Variants in CCDC85C observed in about 807,000 individuals in gnomAD.
CCDC85C encodes coiled-coil domain containing 85C.
A neutral mutation model predicts 38.3 loss-of-function variants in CCDC85C; 18 were observed. The ratio of observed to expected loss-of-function variants is 0.47; its 90% CI spans 0.33 to 0.70. The LOEUF (loss-of-function observed/expected upper bound fraction) is 0.70. Among genes scored for constraint, CCDC85C ranks in the 30% least tolerant of loss-of-function variants. The pLI, the probability that CCDC85C is intolerant of heterozygous loss-of-function variation, is 0.03. For synonymous variants in CCDC85C, 264 were observed against 293.8 expected (o/e 0.90, Z 1.04); for missense variants, 566 against 621.2 (o/e 0.91, Z 0.94).
rs866655287 is a variant in CCDC85C, at chr14:99,520,424, G to A, written c.975+1709C>T. On this transcript the variant is annotated intron_variant, in intron 3 of 5. Coordinates refer to ENST00000380243, the MANE Select transcript of CCDC85C (RefSeq NM_001144995.2). The surrounding 1 kb of genome is among the most constrained non-coding windows in gnomAD (Gnocchi z 4.1). ...AACCCCCACTCCTGGGGGCCTGCCC[G>A]CCGACCAGCCCCGATCACGGCCCCT... is the stretch of plus-strand genomic sequence containing the variant. Among the ~76,000 whole-genome samples, 7 of 149,156 alleles carry A rather than the reference G, an allele frequency of 4.7e-5. No individual in the cohort carries two copies. The highest frequency in any genetic ancestry group is 2.0e-4 in the East Asian group (1 of 4,928).
At chr14:99,515,859 G>T (rs1031520211) in intron 5 of CCDC85C, among the ~76,000 whole-genome samples, 1 of 152,010 alleles carries the variant, frequency 6.6e-6, no homozygotes, top group African/African-American at 2.4e-5. Flanking sequence ...AGGCCCGGGG[G>T]CCAGCACCCA....
At chr14:99,581,513 C>G (rs1250514893) in intron 1 of CCDC85C, among the ~76,000 whole-genome samples, 1 of 152,240 alleles carries the variant, frequency 6.6e-6, no homozygotes, top group African/African-American at 2.4e-5. Context: ...TGGGCAGAAA[C>G]CCAGTGACCG....
intron 1 of CCDC85C, among the ~76,000 whole-genome samples, chr14:99,598,098 C>T (rs2055162134): frequency 6.6e-6 from 1 of 152,190 alleles, no homozygotes; most frequent in Non-Finnish European, 1.5e-5. Context: ...TGCGGGGTGC[C>T]GAGCGCTGCA....
chr14:99,578,809 G>C (rs897114792), intron 1 of CCDC85C, among the ~76,000 whole-genome samples: 1 of 152,184 alleles, frequency 6.6e-6, no homozygotes, highest in Non-Finnish European at 1.5e-5. Context: ...ACCGGAGCTG[G>C]CTTCTCTAAG....
rs574688629 is a variant in CCDC85C at position 99,530,713 on chromosome 14, G to A, written c.867+5302C>T. Reference sequence around the variant, plus strand: ...TCCCAGGCCCTTGGGACCGCCTGGGGTGCTTCCCAGGGGCCACATCACACT... The same window carrying A: ...TCCCAGGCCCTTGGGACCGCCTGGGATGCTTCCCAGGGGCCACATCACACT... On this transcript the variant is annotated intron_variant, in intron 2 of 5. Transcript: ENST00000380243. 3.3e-5 allele frequency among the ~76,000 whole-genome samples: 5 copies of A among 152,344 alleles called. No homozygotes were observed. In the South Asian group the frequency reaches 6.2e-4, roughly 19 times the overall value.
Position 99,502,983 on chromosome 14 carries a change from T to A in CCDC85C, c.*12263A>T. 6.2e-7 allele frequency: 1 copy of A among 1,613,830 alleles called. No homozygotes were observed. The highest frequency in any genetic ancestry group is 1.1e-5 in the South Asian group (1 of 91,070). ...TCTCCCCGACAGGTTAAGCGAGCCG[T>A]GGTGAGTGGGCTAAAGCAGGCCCTG... On this transcript the variant is annotated 3_prime_UTR_variant, in exon 6 of 6. Transcript: ENST00000380243.
intron 3 of CCDC85C, among the ~76,000 whole-genome samples, chr14:99,519,548 G>A (rs1229967010): frequency 6.6e-6 from 1 of 152,144 alleles, no homozygotes; most frequent in Admixed American, 6.5e-5. Context: ...CCCAAAGTGA[G>A]GATACCAGTG....
At chr14:99,564,483 G>A (rs1051893760) in intron 1 of CCDC85C, among the ~76,000 whole-genome samples, 1 of 152,224 alleles carries the variant, frequency 6.6e-6, no homozygotes, top group African/African-American at 2.4e-5. Context: ...GAGCCTTCCT[G>A]ATTTCCCTAT....
At chr14:99,561,457 C>T (rs545460499) in intron 1 of CCDC85C, among the ~76,000 whole-genome samples, 1 of 152,188 alleles carries the variant, frequency 6.6e-6, no homozygotes, top group Non-Finnish European at 1.5e-5. Flanking sequence ...GGCAGCAGAG[C>T]GCTCTGCTGG....
chr14:99,583,139 CT>C (rs1334289899), intron 1 of CCDC85C: 1 of 152,038 alleles, frequency 6.6e-6, no homozygotes, highest in Non-Finnish European at 1.5e-5. Flanking sequence ...TTTTAAATGC[CT>C]TTTAAAAAAA....
chr14:99,535,934 G>A lies in CCDC85C; in HGVS notation c.867+81C>T. 1 of 1,086,866 alleles carries A rather than the reference G, an allele frequency of 9.2e-7. No homozygotes were observed. The highest frequency in any genetic ancestry group is 1.6e-5 in the African/African-American group (1 of 64,322). 67.3% of individuals were successfully genotyped at this position (1,086,866 alleles called of 1,614,324 possible). ...GTTGGGGGGACAGCCTAGGTCCCAAGGGGAAGGGTGCCCTGGGTGAGCTGG... is the reference window on the plus strand; with the variant it reads ...GTTGGGGGGACAGCCTAGGTCCCAAAGGGAAGGGTGCCCTGGGTGAGCTGG... On this transcript the variant is annotated intron_variant, in intron 2 of 5. Transcript: ENST00000380243. This position sits in a 1 kb window ranked among gnomAD's most constrained non-coding sequence, Gnocchi z 5.5.
In CCDC85C at chr14:99,503,138, T is replaced by C; in HGVS notation, c.*12108A>G. 1 of 893,336 alleles carries C rather than the reference T, an allele frequency of 1.1e-6. No homozygotes were observed. The highest frequency in any genetic ancestry group is 1.8e-6 in the Non-Finnish European group (1 of 550,686). 55.3% of individuals were successfully genotyped at this position (893,336 alleles called of 1,614,324 possible). A position where few individuals can be genotyped will look rare whatever the true frequency, so the allele number is the denominator to read the frequency against. ...TCCGACTGCTTGTCGGTGGGGAGCCTGAAAACAAAGGTGCTCCAAGGACAG... is the reference window on the plus strand; with the variant it reads ...TCCGACTGCTTGTCGGTGGGGAGCCCGAAAACAAAGGTGCTCCAAGGACAG... On this transcript the variant is annotated 3_prime_UTR_variant, in exon 6 of 6. Transcript: ENST00000380243.
intron 1 of CCDC85C, among the ~76,000 whole-genome samples, chr14:99,556,990 C>T (rs1276960210): frequency 6.6e-6 from 1 of 151,878 alleles, no homozygotes; most frequent in Non-Finnish European, 1.5e-5. Flanking sequence ...GCTATATCAG[C>T]ACCTTTTGTA....
chr14:99,598,809 C>T (rs1322818590), intron 1 of CCDC85C, among the ~76,000 whole-genome samples: 2 of 152,210 alleles, frequency 1.3e-5, no homozygotes, highest in Non-Finnish European at 2.9e-5. Context: ...CTAAGGTCTC[C>T]CTCCTGGGAC....
At chr14:99,530,959 T>C (rs973793217) in intron 2 of CCDC85C, among the ~76,000 whole-genome samples, 1 of 152,258 alleles carries the variant, frequency 6.6e-6, no homozygotes, top group Non-Finnish European at 1.5e-5. Flanking sequence ...AATAAATTTC[T>C]GTGGTTTAAG....
chr14:99,537,340 C>A (rs1164293778), intron 1 of CCDC85C, among the ~76,000 whole-genome samples: 4 of 152,182 alleles, frequency 2.6e-5, no homozygotes, highest in African/African-American at 9.7e-5. Flanking sequence ...ACTCCACAGG[C>A]TGTTAACATG....
intron 1 of CCDC85C, among the ~76,000 whole-genome samples, chr14:99,584,033 A>G (rs1339175623): frequency 6.6e-6 from 1 of 151,954 alleles, no homozygotes; most frequent in African/African-American, 2.4e-5. Flanking sequence ...GGTATGCAGG[A>G]GCCCTTTGTA....
At chr14:99,574,810 A>C (rs1898437549) in intron 1 of CCDC85C, among the ~76,000 whole-genome samples, 1 of 152,194 alleles carries the variant, frequency 6.6e-6, no homozygotes, top group African/African-American at 2.4e-5. Context: ...CCACATCTGC[A>C]AAAGAGACTG....
At position 99,504,636 on chromosome 14, in the gene CCDC85C, G is replaced by A. The variant is rs1896928729; in HGVS notation, c.*10610C>T. 1 of 152,088 alleles carries A rather than the reference G, an allele frequency of 6.6e-6. No individual in the cohort carries two copies. Among genetic ancestry groups the A allele is most frequent in the African/African-American group, 2.4e-5 (1 of 41,386 alleles). 9.4% of individuals were successfully genotyped at this position (152,088 alleles called of 1,614,324 possible). On this transcript the variant is annotated 3_prime_UTR_variant, in exon 6 of 6. Transcript: ENST00000380243. ...TGGCTAATTTTGTATTTTTAGTAGA[G>A]ACAGGGTTTCTCCATGTTGGTCAGG... is the stretch of plus-strand genomic sequence containing the variant.
Sources: gnomAD v4.1 joint callset for allele counts (sites outside exome capture counted in the v4.1 genomes callset) on GRCh38, gnomAD v4.1.1 for gene constraint, Gnocchi (gnomAD v3.1) non-coding constraint, MANE v1.5 for transcripts, NCBI Gene and HGNC (gene_info 2026-07-23, HGNC 2026-07-21) for gene names.